The following JAM3 variants were observed in gnomAD, a reference collection of about 807,000 sequenced individuals.
The protein encoded by JAM3 is junctional adhesion molecule 3, also known as junctional adhesion molecule C.
A neutral mutation model predicts 39.4 loss-of-function variants in JAM3; 31 were observed. The observed-to-expected ratio is 0.79, with a 90% CI of 0.59 to 1.06. The LOEUF (loss-of-function observed/expected upper bound fraction) is 1.06. Ranked by LOEUF, JAM3 falls within the 50% of genes least tolerant of loss-of-function variation. The pLI, the probability that JAM3 is intolerant of heterozygous loss-of-function variation, is 0.00. For missense variants in JAM3, 455 were observed against 391.4 expected, an observed-to-expected ratio of 1.16 and a Z score of -1.37; for synonymous variants, 182 against 148.7, an observed-to-expected ratio of 1.22 and a Z score of -1.63.
chr11:134,124,805 A>G (rs1286263393), intron 1 of JAM3, among the ~76,000 whole-genome samples: 1 of 152,250 alleles, frequency 6.6e-6, no homozygotes, highest in African/African-American at 2.4e-5. Context: ...AGAACCTCTA[A>G]GCTTGTCAGC....
intron 1 of JAM3, among the ~76,000 whole-genome samples, chr11:134,079,365 A>T (rs1941626959): frequency 6.6e-6 from 1 of 152,214 alleles, no homozygotes; most frequent in Non-Finnish European, 1.5e-5. Context: ...GGGACAAAAT[A>T]CAAAGGTAAC....
chr11:134,072,314 A>ATT (rs34630736), intron 1 of JAM3, among the ~76,000 whole-genome samples: 27,500 of 144,576 alleles, frequency 0.19, 3,352 homozygotes, highest in East Asian at 0.34. Flanking sequence ...GTGAAGTTGG[A>ATT]TTTTTTTTTT....
intron 5 of JAM3, 95 bp downstream of exon 5, chr11:134,145,089 C>T (rs1943047328): frequency 9.5e-7 from 1 of 1,053,660 alleles, no homozygotes; most frequent in Non-Finnish European, 1.5e-6. Flanking sequence ...ACTGAAACTT[C>T]TTGATAAGAC....
rs773661202 is a variant in JAM3 at position 134,125,581 on chromosome 11, C to T, written c.77-14270C>T. 1.0e-3 allele frequency among the ~76,000 whole-genome samples: 153 copies of T among 152,140 alleles called. 2 individuals are homozygous for T. Among genetic ancestry groups the T allele is most frequent in the Non-Finnish European group, 3.5e-4 (24 of 68,020 alleles). ...TTTACTTTGTACTTGTAGCCATTGACCTCGCTAGCATCCGATCCCCTGTCT... is the reference window on the plus strand; with the variant it reads ...TTTACTTTGTACTTGTAGCCATTGATCTCGCTAGCATCCGATCCCCTGTCT... On this transcript the variant is annotated intron_variant, in intron 1 of 8. Transcript: ENST00000299106.
At chr11:134,143,214 CA>C (rs1943006825) in intron 3 of JAM3, among the ~76,000 whole-genome samples, 1 of 152,140 alleles carries the variant, frequency 6.6e-6, no homozygotes, top group Non-Finnish European at 1.5e-5. Context: ...CTCCTACCAG[CA>C]GTGTATTTTC....
chr11:134,080,629 C>T (rs1046135878), intron 1 of JAM3, among the ~76,000 whole-genome samples: 2 of 152,158 alleles, frequency 1.3e-5, no homozygotes, highest in Middle Eastern at 3.2e-3. Context: ...TGAGGCCTCC[C>T]CAACCACGTG....
chr11:134,127,517 G>A (rs1466396209), intron 1 of JAM3, among the ~76,000 whole-genome samples: 1 of 152,090 alleles, frequency 6.6e-6, no homozygotes, highest in Non-Finnish European at 1.5e-5. Context: ...TGGCCAACAT[G>A]GTGAAACCCC....
chr11:134,144,165 G>C (rs1943026554), intron 3 of JAM3, 76 bp from the exon 4 acceptor site: 1 of 1,471,858 alleles, frequency 6.8e-7, no homozygotes, highest in Non-Finnish European at 9.5e-7. Context: ...TCTAGTGCTA[G>C]CCCCAGAAAC....
At chr11:134,114,958 C>T (rs780366058) in intron 1 of JAM3, among the ~76,000 whole-genome samples, 3 of 152,128 alleles carry the variant, frequency 2.0e-5, no homozygotes, top group Non-Finnish European at 4.4e-5. Context: ...AACAAAGAAT[C>T]CTATGGATTT....
chr11:134,145,827 G>A (rs911726830), intron 5 of JAM3, 119 bp from the exon 6 acceptor site: 1 of 759,756 alleles, frequency 1.3e-6, no homozygotes, highest in African/African-American at 1.7e-5. Context: ...CATGCACAGT[G>A]CTGGGGAAGC....
rs534411426 is a variant in JAM3 at position 134,151,654 on chromosome 11, T to C, written c.*2473T>C. 1 of 152,346 alleles carries C rather than the reference T, an allele frequency of 6.6e-6. No homozygotes were observed. The highest frequency in any genetic ancestry group is 6.5e-5 in the Admixed American group (1 of 15,306). The allele number at this position is 152,346 out of a possible 1,614,324, so 9.4% of individuals were successfully genotyped here. A position where few individuals can be genotyped will look rare whatever the true frequency, so the allele number is the denominator to read the frequency against. ...CGATACGAGGCTGTGATTCTGCCTT[T>C]GGATGGATGTTGCTGTACACAGATG... is the stretch of plus-strand genomic sequence containing the variant. On this transcript the variant is annotated 3_prime_UTR_variant, in exon 9 of 9. Coordinates refer to ENST00000299106, the MANE Select transcript of JAM3 (RefSeq NM_032801.5).
At chr11:134,120,422 G>C (rs1306061252) in intron 1 of JAM3, among the ~76,000 whole-genome samples, 1 of 152,220 alleles carries the variant, frequency 6.6e-6, no homozygotes, top group Non-Finnish European at 1.5e-5. Context: ...ATCAGATTCA[G>C]AGTGGAAACA....
At chr11:134,077,728 G>A (rs190878504) in intron 1 of JAM3, among the ~76,000 whole-genome samples, 53 of 142,762 alleles carry the variant, frequency 3.7e-4, no homozygotes, top group African/African-American at 1.1e-3. Flanking sequence ...ATCTCGGCTC[G>A]GAAATCACTG....
chr11:134,116,791 C>T (rs1591792190), intron 1 of JAM3, among the ~76,000 whole-genome samples: 1 of 152,018 alleles, frequency 6.6e-6, no homozygotes, highest in Non-Finnish European at 1.5e-5. Flanking sequence ...CACGTATACA[C>T]ACATATCTAT....
chr11:134,117,661 C>T (rs1310648875), intron 1 of JAM3, among the ~76,000 whole-genome samples: 2 of 152,154 alleles, frequency 1.3e-5, no homozygotes, highest in Non-Finnish European at 2.9e-5. Context: ...GAATATGTTT[C>T]CTCTTGTTGA....
At chr11:134,090,023 T>C (rs1276092025) in intron 1 of JAM3, among the ~76,000 whole-genome samples, 1 of 152,236 alleles carries the variant, frequency 6.6e-6, no homozygotes. Flanking sequence ...AGATGGTATC[T>C]CACTGTGGTT....
intron 1 of JAM3, among the ~76,000 whole-genome samples, chr11:134,135,297 G>T (rs1184861143): frequency 3.3e-5 from 5 of 152,044 alleles, no homozygotes; most frequent in Non-Finnish European, 7.4e-5. Context: ...AATGATGTTG[G>T]CATCCTTGTG....
chr11:134,139,312 A>G (rs1565503296), intron 1 of JAM3, among the ~76,000 whole-genome samples: 1 of 152,188 alleles, frequency 6.6e-6, no homozygotes, highest in Non-Finnish European at 1.5e-5. Flanking sequence ...ACCGGTGAAA[A>G]CTTCTTCGTG....
At chr11:134,147,459 CAAAAAAAAA>C (rs557379286) in intron 6 of JAM3, among the ~76,000 whole-genome samples, 1 of 70,874 alleles carries the variant, frequency 1.4e-5, no homozygotes, top group Non-Finnish European at 2.8e-5. Context: ...GACTCTGTCT[CAAAAAAAAA>C]AAAAAAAAAA....
Sources: allele counts gnomAD v4.1 joint callset (sites outside exome capture counted in the v4.1 genomes callset), GRCh38; gene constraint gnomAD v4.1.1; transcripts MANE v1.5; gene names NCBI Gene and HGNC (gene_info 2026-07-23, HGNC 2026-07-21).